WASHC2A: variants seen among roughly 807,000 people sequenced by gnomAD.
WASHC2A encodes WASH complex subunit FAM21A.
In WASHC2A, 82 loss-of-function variants were observed where a neutral mutation model predicts 140.3. That is an observed-to-expected ratio of 0.58 (90% CI 0.49 to 0.70). The LOEUF (loss-of-function observed/expected upper bound fraction) is 0.70, where lower values mean the gene tolerates loss of function less well. Among genes scored for constraint, WASHC2A ranks in the 30% least tolerant of loss-of-function variants. The pLI, the probability that WASHC2A is intolerant of heterozygous loss-of-function variation, is 0.00. For synonymous variants in WASHC2A, 340 were observed against 560.8 expected (o/e 0.61, Z 5.56); for missense variants, 985 against 1,521.8 (o/e 0.65, Z 5.87).
chr10:50,107,659 C>G (rs1214547661), intron 19 of WASHC2A, among the ~76,000 whole-genome samples: 19 of 152,102 alleles, frequency 1.2e-4, no homozygotes, highest in African/African-American at 4.3e-4. Context: ...TGGTGGCTCA[C>G]GTCTGTAATC....
At chr10:50,113,190 C>T (rs1842422251) in intron 20 of WASHC2A, among the ~76,000 whole-genome samples, 1 of 151,200 alleles carries the variant, frequency 6.6e-6, no homozygotes, top group East Asian at 2.0e-4. Context: ...CAACATAGAG[C>T]GACCTCACCT....
intron 28 of WASHC2A, among the ~76,000 whole-genome samples, chr10:50,129,066 T>C (rs1454016171): frequency 6.6e-6 from 1 of 151,998 alleles, no homozygotes; most frequent in Non-Finnish European, 1.5e-5. Flanking sequence ...CTATTGAGGG[T>C]AGAGTAGGGG....
chr10:50,104,177 G>T (rs1554887791), intron 18 of WASHC2A, 34 bp downstream of exon 18: 1 of 1,555,064 alleles, frequency 6.4e-7, no homozygotes, highest in East Asian at 2.2e-5. Context: ...AGATAATTTA[G>T]ATTAGGAGAA....
intron 3 of WASHC2A, among the ~76,000 whole-genome samples, chr10:50,070,383 G>T (rs1196251015): frequency 2.6e-5 from 4 of 151,944 alleles, no homozygotes; most frequent in African/African-American, 9.7e-5. Context: ...AGGAAGCTTA[G>T]GTAACAGACC....
chr10:50,073,901 T>C, intron 3 of WASHC2A, among the ~76,000 whole-genome samples: 1 of 57,872 alleles, frequency 1.7e-5, no homozygotes, highest in Non-Finnish European at 3.5e-5. Flanking sequence ...AATTGTAATT[T>C]TACAATTATT....
Position 50,099,163 on chromosome 10 carries a change from G to A in WASHC2A, c.1549-815G>A, listed in dbSNP as rs1840802373. On this transcript the variant is annotated intron_variant, in intron 16 of 30. Transcript: ENST00000282633. ...ATTTCTTATTAGTTGGCATTCTTCT[G>A]AATGAAGTTCTTTCTCTCCCTCTCC... Among the ~76,000 whole-genome samples the A allele has an allele frequency of 3.3e-5, 5 of 152,002 alleles. No homozygotes were observed. In the South Asian group the frequency reaches 1.0e-3, roughly 32 times the overall value.
intron 19 of WASHC2A, 132 bp downstream of exon 19, chr10:50,106,597 G>T: frequency 7.7e-6 from 11 of 1,435,124 alleles, no homozygotes; most frequent in Non-Finnish European, 1.0e-5. Context: ...TCACAAGATT[G>T]TCTTTTCTGA....
At chr10:50,079,979 G>GTT (rs1201033904) in intron 4 of WASHC2A, among the ~76,000 whole-genome samples, 61 of 146,906 alleles carry the variant, frequency 4.2e-4, no homozygotes, top group East Asian at 1.4e-3. Context: ...TGCTCGTAGG[G>GTT]TTTTTTTTTT....
rs1341364243 is a variant in WASHC2A at position 50,127,338 on chromosome 10, C to A, written c.2874+116C>A. 2.3e-5 allele frequency: 37 copies of A among 1,584,958 alleles called. No individual in the cohort carries two copies. The South Asian group carries it at 4.1e-4, about 18-fold the overall frequency. ...CTTCTCATCTCTTCCCCCGCCTCCC[C>A]TCCCCTGCACCTAGTTGTTGTCTCC... On this transcript the variant is annotated intron_variant, in intron 27 of 30. Coordinates refer to ENST00000282633, the MANE Select transcript of WASHC2A (RefSeq NM_001005751.3).
In WASHC2A at chr10:50,095,130, C is replaced by G. The variant is rs1840347891; in HGVS notation, c.1181-18C>G. On this transcript the variant is annotated intron_variant, in intron 13 of 30. Coordinates refer to ENST00000282633, the MANE Select transcript of WASHC2A (RefSeq NM_001005751.3). ...TATTTCCCTTGTAAAATGGTTACCC[C>G]TTGCTTTCTCATTCTAGAGTCTTCA... 6.4e-7 allele frequency: 1 copy of G among 1,552,910 alleles called. No homozygotes were observed. The highest frequency in any genetic ancestry group is 8.8e-7 in the Non-Finnish European group (1 of 1,140,628).
chr10:50,078,245 A>G, intron 3 of WASHC2A: 1 of 622,428 alleles, frequency 1.6e-6, no homozygotes, highest in South Asian at 2.0e-5. Flanking sequence ...TGCCTTTACC[A>G]TTTTCCTTGT....
chr10:50,110,280 T>G lies in WASHC2A; in HGVS notation c.2039+10T>G, dbSNP rs1842168435. 4 of 1,611,474 alleles carry G rather than the reference T, an allele frequency of 2.5e-6. No homozygotes were observed. The Admixed American group carries it at 6.7e-5, about 27-fold the overall frequency. On this transcript the variant is annotated intron_variant, in intron 20 of 30. Coordinates refer to ENST00000282633, the MANE Select transcript of WASHC2A (RefSeq NM_001005751.3). ...CCATTGCCAAGGACAGGTGAGATAG[T>G]CATTGGAAGGAGTCCCTCACTCCGT... is the stretch of plus-strand genomic sequence containing the variant.
intron 13 of WASHC2A, among the ~76,000 whole-genome samples, chr10:50,094,589 CG>C (rs1232854860): frequency 1.3e-5 from 2 of 152,244 alleles, no homozygotes; most frequent in Admixed American, 1.3e-4. Context: ...CCGAGTCTCC[CG>C]GGCACAGGCA....
chr10:50,088,175 T>TA (rs1446439729), intron 8 of WASHC2A, among the ~76,000 whole-genome samples: 1 of 150,760 alleles, frequency 6.6e-6, no homozygotes, highest in African/African-American at 2.4e-5. Context: ...CTTTTAAACA[T>TA]ACTGAGTATG....
chr10:50,113,010 C>T (rs1256675330), intron 20 of WASHC2A, among the ~76,000 whole-genome samples: 1 of 151,750 alleles, frequency 6.6e-6, no homozygotes, highest in Admixed American at 6.6e-5. Flanking sequence ...TTAAAGAAAA[C>T]ATTGAAGTAT....
chr10:50,081,879 T>A (rs1186207129), intron 5 of WASHC2A, among the ~76,000 whole-genome samples: 1 of 152,106 alleles, frequency 6.6e-6, no homozygotes, highest in African/African-American at 2.4e-5. Context: ...GTGATCCGCC[T>A]GCCTTGGCCT....
Position 50,121,470 on chromosome 10 carries a change from T to A in WASHC2A, c.2478+1701T>A, listed in dbSNP as rs1413272765. ...TTGAAATGGCACAATCTTGGCTCACTGCAACCTTTGCCTCCTGGGTTCAAG... is the reference window on the plus strand; with the variant it reads ...TTGAAATGGCACAATCTTGGCTCACAGCAACCTTTGCCTCCTGGGTTCAAG... On this transcript the variant is annotated intron_variant, in intron 23 of 30. Coordinates refer to ENST00000282633, the MANE Select transcript of WASHC2A (RefSeq NM_001005751.3). Among the ~76,000 whole-genome samples, 6 of 149,620 alleles carry A rather than the reference T, an allele frequency of 4.0e-5. No homozygotes were observed. In the East Asian group the frequency reaches 1.2e-3, roughly 29 times the overall value.
chr10:50,104,382 T>C (rs191605572), intron 18 of WASHC2A, among the ~76,000 whole-genome samples: 5,537 of 149,894 alleles, frequency 0.037, 346 homozygotes, highest in African/African-American at 0.13. Flanking sequence ...TTTTTTTTTT[T>C]CCGAGTTGGA....
In WASHC2A at chr10:50,098,323, C is replaced by T. The variant is rs1459092522; in HGVS notation, c.1548+521C>T. Among the ~76,000 whole-genome samples the T allele has an allele frequency of 7.2e-5, 11 of 152,072 alleles. 1 individual carries two copies. Among genetic ancestry groups the T allele is most frequent in the Middle Eastern group, 6.8e-3 (2 of 294 alleles). Reference sequence around the variant, plus strand: ...ATTATCTCGCATATAGTTCATACTGCAATTTCCTCTCTTGTCCCCAAAATG... The same window carrying T: ...ATTATCTCGCATATAGTTCATACTGTAATTTCCTCTCTTGTCCCCAAAATG... On this transcript the variant is annotated intron_variant, in intron 16 of 30. Transcript: ENST00000282633.
Sources: gnomAD v4.1 joint callset for allele counts (sites outside exome capture counted in the v4.1 genomes callset) on GRCh38, gnomAD v4.1.1 for gene constraint, MANE v1.5 for transcripts, NCBI Gene and HGNC (gene_info 2026-07-23, HGNC 2026-07-21) for gene names.